RPH3AL: variants seen among roughly 807,000 people sequenced by gnomAD.
The protein encoded by RPH3AL is rabphilin 3A like (without C2 domains).
RPH3AL carries 38 observed loss-of-function variants against 43.1 expected under a neutral mutation model. The ratio of observed to expected loss-of-function variants is 0.88; its 90% CI spans 0.68 to 1.15. RPH3AL has a LOEUF of 1.15. Ranked by LOEUF, RPH3AL falls within the 50% of genes most tolerant of loss-of-function variation. The probability of loss-of-function intolerance (pLI) is 0.00; values close to 1 mark genes in which losing one functional copy is unlikely to be tolerated. For missense variants in RPH3AL, 462 were observed against 423.2 expected (o/e 1.09, Z -0.81); for synonymous variants, 189 against 176.3 (o/e 1.07, Z -0.57).
intron 6 of RPH3AL, among the ~76,000 whole-genome samples, chr17:262,124 T>C (rs1555546415): frequency 6.6e-6 from 1 of 152,190 alleles, no homozygotes; most frequent in African/African-American, 2.4e-5. Flanking sequence ...GAATGTTTGC[T>C]CAGAATGGTG....
chr17:224,463 A>T (rs75786238), intron 7 of RPH3AL, among the ~76,000 whole-genome samples: 3,826 of 152,272 alleles, frequency 0.025, 161 homozygotes, highest in African/African-American at 0.088. Context: ...CTTCTCCAGG[A>T]AGCCCTCCGT....
intron 6 of RPH3AL, among the ~76,000 whole-genome samples, chr17:272,948 AGCAAGGGCTACGTCAGGGTGAGACC>A (rs2042515844): frequency 2.2e-5 from 1 of 44,738 alleles, no homozygotes; most frequent in African/African-American, 6.9e-5. Flanking sequence ...GAGAGACCCC[AGCAAGGGCTACGTCAGGGTGAGACC>A]CCAGCAAGGG....
chr17:337,686 C>T (rs2044996655), intron 1 of RPH3AL, among the ~76,000 whole-genome samples: 1 of 152,218 alleles, frequency 6.6e-6, no homozygotes, highest in South Asian at 2.1e-4. Context: ...TCCTTGGCCT[C>T]GTTCATTCAA....
At chr17:303,150 G>A (rs1437010494) in intron 5 of RPH3AL, among the ~76,000 whole-genome samples, 2 of 152,208 alleles carry the variant, frequency 1.3e-5, no homozygotes, top group Admixed American at 1.3e-4. Context: ...CTGCATCCCA[G>A]CAGTTTCAGA....
chr17:237,264 T>C (rs569912508), intron 7 of RPH3AL, among the ~76,000 whole-genome samples: 1 of 152,310 alleles, frequency 6.6e-6, no homozygotes, highest in African/African-American at 2.4e-5. Flanking sequence ...TAACATCAAG[T>C]GAGCCACTGA....
intron 7 of RPH3AL, chr17:234,592 C>A: frequency 6.4e-6 from 1 of 155,784 alleles, no homozygotes; most frequent in Non-Finnish European, 1.4e-5. Flanking sequence ...ATGTGTGGTC[C>A]CAGAGGACAG....
At chr17:317,524 T>G (rs1276486348) in intron 5 of RPH3AL, among the ~76,000 whole-genome samples, 1 of 150,678 alleles carries the variant, frequency 6.6e-6, no homozygotes, top group East Asian at 2.0e-4. Context: ...CCCACCTCCA[T>G]TGACCTGAAG....
intron 5 of RPH3AL, among the ~76,000 whole-genome samples, chr17:305,122 A>AGAGGGGACAGGGCGG (rs2043450615): frequency 5.6e-5 from 1 of 17,762 alleles, no homozygotes; most frequent in Non-Finnish European, 1.6e-4. Context: ...GGACAGGGCG[A>AGAGGGGACAGGGCGG]GAGGGGGACA....
intron 1 of RPH3AL, among the ~76,000 whole-genome samples, chr17:337,705 C>T (rs2044997451): frequency 6.6e-6 from 1 of 152,250 alleles, no homozygotes; most frequent in Non-Finnish European, 1.5e-5. Context: ...AACACACACA[C>T]GCTGGGTGCT....
intron 3 of RPH3AL, 34 bp from the exon 4 acceptor site, chr17:321,449 C>T (rs1166302386): frequency 2.0e-6 from 3 of 1,529,166 alleles, no homozygotes; most frequent in Non-Finnish European, 2.6e-6. Context: ...GCGTGGAGGC[C>T]TCCCCGGTGC....
rs901983239 is a variant in RPH3AL, at chr17:289,786, G to A, written c.352-7932C>T. Among the ~76,000 whole-genome samples the A allele has an allele frequency of 2.6e-5, 4 of 152,182 alleles. No individual in the cohort carries two copies. Among genetic ancestry groups the A allele is most frequent in the East Asian group, 1.9e-4 (1 of 5,196 alleles). On this transcript the variant is annotated intron_variant, in intron 5 of 9. Transcript: ENST00000331302. This position sits in a 1 kb window ranked among gnomAD's most constrained non-coding sequence, Gnocchi z 5.2. ...CGTGTTGCCCCCTCTGTGTGGCCAC[G>A]CTGTCTCTTCATTAACCTACACACC...
At chr17:253,693 T>A (rs2041981497) in intron 6 of RPH3AL, among the ~76,000 whole-genome samples, 1 of 136,524 alleles carries the variant, frequency 7.3e-6, no homozygotes, top group Non-Finnish European at 1.6e-5. Flanking sequence ...CCCTACGTAC[T>A]TCCTATGAGG....
At chr17:280,063 CACA>C (rs1216501486) in intron 6 of RPH3AL, among the ~76,000 whole-genome samples, 1 of 152,212 alleles carries the variant, frequency 6.6e-6, no homozygotes, top group Non-Finnish European at 1.5e-5. Flanking sequence ...AAAATACTTT[CACA>C]ACAACAGCAG....
chr17:281,914 G>T (rs559390321), intron 5 of RPH3AL, 60 bp from the exon 6 acceptor site: 5 of 1,321,400 alleles, frequency 3.8e-6, no homozygotes, highest in South Asian at 2.4e-5. Context: ...CCGCCGAGGG[G>T]CTCAGACAAC....
chr17:255,451 T>C (rs371726468), intron 6 of RPH3AL, among the ~76,000 whole-genome samples: 3 of 3,068 alleles, frequency 9.8e-4, no homozygotes, highest in Non-Finnish European at 1.6e-3. Context: ...TGAGGGGAGC[T>C]GCACGGCGTC....
chr17:350,482 A>ATG (rs2045331552), intron 1 of RPH3AL, among the ~76,000 whole-genome samples: 1 of 152,146 alleles, frequency 6.6e-6, no homozygotes, highest in African/African-American at 2.4e-5. Context: ...ATGGTGGTGC[A>ATG]TGCCTGTAAT....
chr17:278,617 C>A (rs942476142), intron 6 of RPH3AL, among the ~76,000 whole-genome samples: 10 of 152,166 alleles, frequency 6.6e-5, no homozygotes, highest in African/African-American at 2.2e-4. Context: ...CCTCTCTTAT[C>A]CCCATATAAA....
rs190516433 is a variant in RPH3AL at position 302,362 on chromosome 17, C to A, written c.351+17058G>T. On this transcript the variant is annotated intron_variant, in intron 5 of 9. Coordinates refer to ENST00000331302, the MANE Select transcript of RPH3AL (RefSeq NM_006987.4). ...AGGTGTAGCAGGCCAGGCAGGTCCA[C>A]GGAGTCACCCCGCCCCACCCACTAC... Among the ~76,000 whole-genome samples, 401 of 152,320 alleles carry A rather than the reference C, an allele frequency of 2.6e-3. 4 individuals are homozygous for A. Among genetic ancestry groups the A allele is most frequent in the African/African-American group, 8.8e-3 (366 of 41,568 alleles).
At chr17:261,382 G>T (rs951785544) in intron 6 of RPH3AL, among the ~76,000 whole-genome samples, 6 of 152,218 alleles carry the variant, frequency 3.9e-5, no homozygotes, top group African/African-American at 1.4e-4. Flanking sequence ...GGCACAGCGG[G>T]AACACAGCCA....
Sources: allele counts gnomAD v4.1 joint callset (sites outside exome capture counted in the v4.1 genomes callset), GRCh38; gene constraint gnomAD v4.1.1; non-coding constraint Gnocchi (gnomAD v3.1); transcripts MANE v1.5; gene names NCBI Gene and HGNC (gene_info 2026-07-23, HGNC 2026-07-21).